Variants in XPR1 observed in about 807,000 individuals in gnomAD.
The protein encoded by XPR1 is solute carrier family 53 member 1.
Under a neutral mutation model 87.5 loss-of-function variants are expected in XPR1, and 28 were observed. The ratio of observed to expected loss-of-function variants is 0.32; its 90% CI spans 0.24 to 0.44. The LOEUF (loss-of-function observed/expected upper bound fraction) is 0.44. Among genes scored for constraint, XPR1 ranks in the 20% least tolerant of loss-of-function variants. The pLI, the probability that XPR1 is intolerant of heterozygous loss-of-function variation, is 1.00. For missense variants in XPR1, 559 were observed against 862.3 expected, an observed-to-expected ratio of 0.65 and a Z score of 4.41; for synonymous variants, 300 against 306.1, an observed-to-expected ratio of 0.98 and a Z score of 0.21.
chr1:180,851,701 A>C (rs1263792427), intron 11 of XPR1, among the ~76,000 whole-genome samples: 1 of 152,152 alleles, frequency 6.6e-6, no homozygotes, highest in African/African-American at 2.4e-5. Context: ...ACACATACAT[A>C]AGAAAGATAT....
Position 180,887,816 on chromosome 1 carries a change from A to G in XPR1, c.*3750A>G, listed in dbSNP as rs946288026. On this transcript the variant is annotated 3_prime_UTR_variant, in exon 15 of 15. Transcript: ENST00000367590. ...GCTCTTTACCAGAAGTAACGTGTTG[A>G]TGTATATTATCTTTCCACCATGCTT... 11 of 152,242 alleles carry G rather than the reference A, an allele frequency of 7.2e-5. No homozygotes were observed. Among genetic ancestry groups the G allele is most frequent in the African/African-American group, 9.6e-5 (4 of 41,454 alleles). 9.4% of individuals were successfully genotyped at this position (152,242 alleles called of 1,614,324 possible). A position where few individuals can be genotyped will look rare whatever the true frequency, so the allele number is the denominator to read the frequency against.
intron 11 of XPR1, among the ~76,000 whole-genome samples, chr1:180,861,006 A>C (rs983620226): frequency 6.6e-6 from 1 of 152,112 alleles, no homozygotes; most frequent in East Asian, 1.9e-4. Context: ...CCTTTTATGT[A>C]ATAATTTACA....
At chr1:180,781,286 A>G (rs1296888555) in intron 2 of XPR1, among the ~76,000 whole-genome samples, 1 of 151,984 alleles carries the variant, frequency 6.6e-6, no homozygotes, top group Non-Finnish European at 1.5e-5. Flanking sequence ...TATGTTGGGT[A>G]TGTCGTCTAT....
chr1:180,718,168 T>G (rs1357595406), intron 2 of XPR1, among the ~76,000 whole-genome samples: 1 of 152,190 alleles, frequency 6.6e-6, no homozygotes, highest in Non-Finnish European at 1.5e-5. Flanking sequence ...TCTGGAGTAT[T>G]GGGTATTGAT....
intron 2 of XPR1, among the ~76,000 whole-genome samples, chr1:180,686,773 A>C (rs1656795851): frequency 6.6e-6 from 1 of 152,220 alleles, no homozygotes; most frequent in Admixed American, 6.5e-5. Flanking sequence ...TTCTTATGAC[A>C]AAAGTTAATG....
chr1:180,676,240 CTATT>C (rs1336699566), intron 1 of XPR1, among the ~76,000 whole-genome samples: 8 of 152,162 alleles, frequency 5.3e-5, no homozygotes, highest in Non-Finnish European at 1.2e-4. Flanking sequence ...AATTCAATAA[CTATT>C]TATTGAGCGC....
chr1:180,666,668 T>C lies in XPR1; in HGVS notation c.70-15692T>C, dbSNP rs112728915. Among the ~76,000 whole-genome samples the C allele has an allele frequency of 4.6e-3, 697 of 152,366 alleles. 6 individuals are homozygous for C. Among genetic ancestry groups the C allele is most frequent in the African/African-American group, 0.016 (667 of 41,594 alleles). On this transcript the variant is annotated intron_variant, in intron 1 of 14. Transcript: ENST00000367590. ...TTTGCATGTTGACTTCATATCCCAC[T>C]TTGCGTCAGCTTTGTATCAGCTACT...
intron 1 of XPR1, among the ~76,000 whole-genome samples, chr1:180,639,302 C>A (rs554357941): frequency 1.4e-4 from 22 of 151,732 alleles, no homozygotes; most frequent in Non-Finnish European, 2.4e-4. Flanking sequence ...AAAAAAACAC[C>A]CTTTAAAAAT....
chr1:180,879,127 C>T (rs527469593), intron 13 of XPR1, among the ~76,000 whole-genome samples: 2 of 152,342 alleles, frequency 1.3e-5, no homozygotes, highest in South Asian at 2.1e-4. Context: ...AGACGACTCA[C>T]ATCGCATGTC....
Position 180,642,540 on chromosome 1 carries a change from T to C in XPR1, c.69+10270T>C, listed in dbSNP as rs570066127. ...TTACCTTCTAAGGTAGGTTTTGTTA[T>C]CCCCATTATAAGAAGATACTGAGTC... On this transcript the variant is annotated intron_variant, in intron 1 of 14. Coordinates refer to ENST00000367590, the MANE Select transcript of XPR1 (RefSeq NM_004736.4). 1.2e-4 allele frequency among the ~76,000 whole-genome samples: 19 copies of C among 152,228 alleles called. No individual in the cohort carries two copies. The South Asian group carries it at 3.7e-3, about 30-fold the overall frequency.
intron 9 of XPR1, among the ~76,000 whole-genome samples, chr1:180,826,031 CAA>C (rs1380083018): frequency 1.3e-5 from 2 of 152,034 alleles, no homozygotes; most frequent in African/African-American, 2.4e-5. Context: ...GCCTGGGCAA[CAA>C]GAGCAAAACT....
intron 1 of XPR1, among the ~76,000 whole-genome samples, chr1:180,644,743 A>C (rs1421026099): frequency 6.6e-6 from 1 of 152,034 alleles, no homozygotes; most frequent in Non-Finnish European, 1.5e-5. Context: ...TCCACATACC[A>C]GGGGGAGGGG....
intron 2 of XPR1, among the ~76,000 whole-genome samples, chr1:180,690,137 A>C (rs1571728078): frequency 6.6e-6 from 1 of 151,934 alleles, no homozygotes; most frequent in African/African-American, 2.4e-5. Context: ...GCCTGGGTGA[A>C]ACAGCAAGAC....
chr1:180,695,808 G>A (rs1379359380), intron 2 of XPR1, among the ~76,000 whole-genome samples: 1 of 152,086 alleles, frequency 6.6e-6, no homozygotes, highest in Non-Finnish European at 1.5e-5. Flanking sequence ...AGTTAGTCCA[G>A]TATCTTGCTA....
chr1:180,646,145 C>T (rs948046298), intron 1 of XPR1, among the ~76,000 whole-genome samples: 1 of 152,184 alleles, frequency 6.6e-6, no homozygotes, highest in Non-Finnish European at 1.5e-5. Flanking sequence ...CCTCTGTATC[C>T]TCTGCTGTTT....
chr1:180,752,614 C>G (rs1438308410), intron 2 of XPR1, among the ~76,000 whole-genome samples: 1 of 151,978 alleles, frequency 6.6e-6, no homozygotes, highest in Non-Finnish European at 1.5e-5. Flanking sequence ...GGCCATACAT[C>G]TTGTTTGGGG....
At chr1:180,827,177 A>AAG (rs1491161217) in intron 9 of XPR1, among the ~76,000 whole-genome samples, 1 of 136,758 alleles carries the variant, frequency 7.3e-6, no homozygotes, top group African/African-American at 2.7e-5. Flanking sequence ...AAAAAAAAAA[A>AAG]GGGGGTCTCC....
rs1319558894 is a variant in XPR1 at position 180,888,257 on chromosome 1, ATAAT to A, written c.*4195_*4198del. 6.6e-6 allele frequency: 1 copy of A among 152,028 alleles called. No individual in the cohort carries two copies. The highest frequency in any genetic ancestry group is 1.5e-5 in the Non-Finnish European group (1 of 68,000). 9.4% of individuals were successfully genotyped at this position (152,028 alleles called of 1,614,324 possible). A position where few individuals can be genotyped will look rare whatever the true frequency, so the allele number is the denominator to read the frequency against. ...ACAAAAATTTCTTATTCTAAGGAAAATAATTAAGAAAATAACCCTATCTGTGGCA... is the reference window on the plus strand; with the variant it reads ...ACAAAAATTTCTTATTCTAAGGAAAATAAGAAAATAACCCTATCTGTGGCA... On this transcript the variant is annotated 3_prime_UTR_variant, in exon 15 of 15. Transcript: ENST00000367590.
rs1261706594 is a variant in XPR1, at chr1:180,885,496, G to C, written c.*1430G>C. On this transcript the variant is annotated 3_prime_UTR_variant, in exon 15 of 15. Transcript: ENST00000367590. ...TCTCATTTCTTCCCTTTGTTCCTTA[G>C]TCATCCAAATAAGCCTGAAAACCAT... 6.6e-6 allele frequency: 1 copy of C among 152,072 alleles called. No homozygotes were observed. Among genetic ancestry groups the C allele is most frequent in the Non-Finnish European group, 1.5e-5 (1 of 68,020 alleles). The allele number at this position is 152,072 out of a possible 1,614,324, so 9.4% of individuals were successfully genotyped here. A position where few individuals can be genotyped will look rare whatever the true frequency, so the allele number is the denominator to read the frequency against.
Sources: gnomAD v4.1 joint callset for allele counts (sites outside exome capture counted in the v4.1 genomes callset) on GRCh38, gnomAD v4.1.1 for gene constraint, MANE v1.5 for transcripts, NCBI Gene and HGNC (gene_info 2026-07-23, HGNC 2026-07-21) for gene names.